The following SEM1 variants were observed in gnomAD, a reference collection of about 807,000 sequenced individuals.
SEM1 encodes the protein 26S proteasome complex subunit SEM1.
Under a neutral mutation model 12.7 loss-of-function variants are expected in SEM1, and 3 were observed. The ratio of observed to expected loss-of-function variants is 0.24; its 90% CI spans 0.11 to 0.61. The LOEUF (loss-of-function observed/expected upper bound fraction) is 0.61, where lower values mean the gene tolerates loss of function less well. SEM1 is among the 20% of genes least tolerant of loss of function. The probability of loss-of-function intolerance (pLI) is 0.88; values close to 1 mark genes in which losing one functional copy is unlikely to be tolerated. For missense variants in SEM1, 59 were observed against 81.3 expected (o/e 0.73, Z 1.06); for synonymous variants, 30 against 27.8 (o/e 1.08, Z -0.25).
At chr7:96,677,405 C>T (rs1435264204) in intron 2 of SEM1, among the ~76,000 whole-genome samples, 1 of 152,128 alleles carries the variant, frequency 6.6e-6, no homozygotes, top group East Asian at 1.9e-4. Flanking sequence ...TTTCACAGAT[C>T]TTGTTCTTCT....
intron 2 of SEM1, among the ~76,000 whole-genome samples, chr7:96,605,748 C>G (rs796598872): frequency 6.6e-6 from 1 of 152,066 alleles, no homozygotes; most frequent in Non-Finnish European, 1.5e-5. Context: ...CCCCATTATC[C>G]GTGCTTTCAC....
At chr7:96,627,361 G>A (rs761775565) in intron 2 of SEM1, among the ~76,000 whole-genome samples, 11 of 151,732 alleles carry the variant, frequency 7.2e-5, no homozygotes, top group Non-Finnish European at 1.0e-4. Flanking sequence ...TCATTAGGTT[G>A]TTTATTTGAA....
intron 2 of SEM1, among the ~76,000 whole-genome samples, chr7:96,544,858 T>A (rs1805059604): frequency 6.6e-6 from 1 of 152,022 alleles, no homozygotes; most frequent in Non-Finnish European, 1.5e-5. Context: ...GTCTTCATTC[T>A]CATTGTTTTC....
chr7:96,560,545 T>C (rs1805662381), intron 2 of SEM1, among the ~76,000 whole-genome samples: 1 of 152,170 alleles, frequency 6.6e-6, no homozygotes, highest in South Asian at 2.1e-4. Context: ...TGTTGGCCTA[T>C]ATATTCCAAA....
chr7:96,586,206 C>T (rs1347196893), intron 2 of SEM1, among the ~76,000 whole-genome samples: 1 of 152,072 alleles, frequency 6.6e-6, no homozygotes, highest in African/African-American at 2.4e-5. Flanking sequence ...ACAGTGTATG[C>T]TTGGCTTTCT....
At chr7:96,510,137 C>T (rs1175707472) in intron 2 of SEM1, among the ~76,000 whole-genome samples, 1 of 152,056 alleles carries the variant, frequency 6.6e-6, no homozygotes, top group East Asian at 1.9e-4. Context: ...TGTATACGCC[C>T]TTGGGTTTCC....
At chr7:96,660,426 G>A (rs923032599) in intron 2 of SEM1, among the ~76,000 whole-genome samples, 13 of 151,898 alleles carry the variant, frequency 8.6e-5, no homozygotes, top group Admixed American at 2.0e-4. Context: ...AAATATAGTG[G>A]CATTTTATTG....
intron 2 of SEM1, 69 bp downstream of exon 2, chr7:96,694,729 T>C: frequency 9.9e-7 from 1 of 1,005,290 alleles, no homozygotes; most frequent in East Asian, 2.4e-5. Context: ...GTTAATCATC[T>C]ATGTAAATTA....
intron 2 of SEM1, among the ~76,000 whole-genome samples, chr7:96,643,960 T>A (rs1043620566): frequency 6.6e-6 from 1 of 152,138 alleles, no homozygotes; most frequent in Non-Finnish European, 1.5e-5. Flanking sequence ...TCTAGAAGCC[T>A]GAGTGGAGCC....
At chr7:96,686,086 A>G (rs1338141421), downstream of SEM1, among the ~76,000 whole-genome samples, 1 of 151,812 alleles carries the variant, frequency 6.6e-6, no homozygotes, top group African/African-American at 2.4e-5. Context: ...TTCCTAACTT[A>G]CTCTGAGACT....
At chr7:96,536,502 A>G (rs143255698) in intron 2 of SEM1, among the ~76,000 whole-genome samples, 236 of 151,932 alleles carry the variant, frequency 1.6e-3, no homozygotes, top group African/African-American at 5.5e-3. Context: ...GTCAATTACT[A>G]ACAGAGGAGT....
chr7:96,642,189 T>C (rs185607130), intron 2 of SEM1, among the ~76,000 whole-genome samples: 162 of 152,226 alleles, frequency 1.1e-3, no homozygotes, highest in African/African-American at 3.8e-3. Context: ...CAGAAAGTTT[T>C]ATTGAACAGC....
At chr7:96,673,849 G>A (rs1469298648) in exon 3 of SEM1, 1 of 765,002 alleles carries the variant, frequency 1.3e-6, no homozygotes. Context: ...ATCATCAGGA[G>A]TACAGTTGCC....
intron 2 of SEM1, among the ~76,000 whole-genome samples, chr7:96,534,474 G>T (rs1035300428): frequency 2.0e-5 from 3 of 151,996 alleles, no homozygotes; most frequent in African/African-American, 4.8e-5. Context: ...ATGGGTAAAA[G>T]GTCCATTCGA....
At chr7:96,585,372 C>G (rs1336139772) in intron 2 of SEM1, among the ~76,000 whole-genome samples, 1 of 152,236 alleles carries the variant, frequency 6.6e-6, no homozygotes, top group African/African-American at 2.4e-5. Context: ...CTCTTTAAAG[C>G]TGTCAGACAG....
chr7:96,690,695 T>C (rs1789904111), intron 2 of SEM1, among the ~76,000 whole-genome samples: 1 of 152,172 alleles, frequency 6.6e-6, no homozygotes, highest in African/African-American at 2.4e-5. Context: ...GTTTGAAAAG[T>C]CCTCTTACTA....
chr7:96,645,945 A>G, intron 2 of SEM1: 1 of 398,244 alleles, frequency 2.5e-6, no homozygotes. Context: ...ACCTTCCACA[A>G]GAAGAAAATA....
chr7:96,658,103 A>G (rs1809241329), intron 2 of SEM1, among the ~76,000 whole-genome samples: 1 of 152,140 alleles, frequency 6.6e-6, no homozygotes, highest in Non-Finnish European at 1.5e-5. Flanking sequence ...ATGACACTCA[A>G]TTAGGTTACT....
At chr7:96,673,823 G>C (rs764132885) in exon 3 of SEM1, 1 of 765,118 alleles carries the variant, frequency 1.3e-6, no homozygotes, top group South Asian at 1.3e-5. Context: ...AGCCATACGG[G>C]GTTTCACAGA....
Sources: allele counts gnomAD v4.1 joint callset (sites outside exome capture counted in the v4.1 genomes callset), GRCh38; gene constraint gnomAD v4.1.1; transcripts MANE v1.5; gene names NCBI Gene and HGNC (gene_info 2026-07-23, HGNC 2026-07-21).